COL4A5: variants seen among roughly 807,000 people sequenced by gnomAD.
COL4A5 encodes collagen alpha-5(IV) chain.
Under a neutral mutation model 130.2 loss-of-function variants are expected in COL4A5, and 26 were observed. The observed-to-expected ratio is 0.20, with a 90% CI of 0.15 to 0.28. COL4A5 has a LOEUF of 0.28. COL4A5 is among the 10% of genes least tolerant of loss of function. COL4A5 has a pLI of 1.00. For missense variants in COL4A5, 1,131 were observed against 1,344.3 expected, an observed-to-expected ratio of 0.84 and a Z score of 2.48; for synonymous variants, 496 against 439.6, an observed-to-expected ratio of 1.13 and a Z score of -1.60.
chrX:108,495,819 ATG>A (rs1477488107), intron 1 of COL4A5, among the ~76,000 whole-genome samples: 1 of 112,089 alleles, frequency 8.9e-6, no homozygotes, highest in Admixed American at 9.4e-5. Flanking sequence ...GATGGCAGGG[ATG>A]GAAATTATGC....
chrX:108,637,508 T>C (rs2067377414), intron 36 of COL4A5, among the ~76,000 whole-genome samples: 1 of 111,145 alleles, frequency 9.0e-6, no homozygotes, highest in Admixed American at 9.5e-5. Flanking sequence ...AAACTAAAAG[T>C]TGTTTCTTCA....
At chrX:108,540,487 G>A (rs764044956) in intron 2 of COL4A5, among the ~76,000 whole-genome samples, 13 of 111,219 alleles carry the variant, frequency 1.2e-4, no homozygotes, top group African/African-American at 4.2e-4. Context: ...GTCTTGCTCT[G>A]TCACCCAGGC....
chrX:108,590,156 AT>A (rs1430327735), intron 19 of COL4A5, among the ~76,000 whole-genome samples: 1 of 111,615 alleles, frequency 9.0e-6, no homozygotes, highest in Non-Finnish European at 1.9e-5. Context: ...AATTTCAGTT[AT>A]TCAGAGACCA....
At chrX:108,549,168 G>C (rs28847300) in intron 2 of COL4A5, among the ~76,000 whole-genome samples, 11,658 of 111,440 alleles carry the variant, frequency 0.1, 1,298 homozygotes, top group African/African-American at 0.34. Context: ...CCAAAACTGA[G>C]AGAATTAAAG....
rs757276655 is a variant in COL4A5 at position 108,621,876 on chromosome X, T to A, written c.2751T>A (p.Gly917=). The change falls in exon 32 of 53, where the codon GGT becomes GGA. Residue 917 remains glycine (G), a synonymous_variant. Coordinates refer to ENST00000328300, the MANE Select transcript of COL4A5 (RefSeq NM_033380.3). ...CTTTGGGAATTCCTGGCAGGAGTGGTGTACCTGGTCTTAAAGGTAATAATC... is the reference window on the plus strand; with the variant it reads ...CTTTGGGAATTCCTGGCAGGAGTGGAGTACCTGGTCTTAAAGGTAATAATC... The part of the protein sequence containing the change: ...PGPLGIPGRS[G]VPGLKGDDGL... 5.0e-6 allele frequency: 6 copies of A among 1,202,533 alleles called. No individual in the cohort carries two copies. The highest frequency in any genetic ancestry group is 6.8e-6 in the Non-Finnish European group (6 of 888,706).
intron 46 of COL4A5, 37 bp downstream of exon 46, chrX:108,680,993 T>C: frequency 9.0e-7 from 1 of 1,107,033 alleles, no homozygotes; most frequent in Non-Finnish European, 1.2e-6. Context: ...TACCTGATAC[T>C]TAGATGCTTT....
chrX:108,485,235 C>T (rs768535233), intron 1 of COL4A5, among the ~76,000 whole-genome samples: 1 of 112,200 alleles, frequency 8.9e-6, no homozygotes, highest in African/African-American at 3.2e-5. Flanking sequence ...TCCCAAAATG[C>T]TGTGCAAAAG....
intron 1 of COL4A5, among the ~76,000 whole-genome samples, chrX:108,492,062 T>C (rs1477518413): frequency 9.0e-6 from 1 of 111,465 alleles, no homozygotes; most frequent in African/African-American, 3.3e-5. Context: ...TTCCTGGTAA[T>C]TTCGAAGGCC....
intron 4 of COL4A5, 79 bp from the exon 5 acceptor site, chrX:108,568,550 T>C: frequency 1.4e-6 from 1 of 697,850 alleles, no homozygotes. Flanking sequence ...TAAAATAATT[T>C]TCATAATATC....
intron 34 of COL4A5, among the ~76,000 whole-genome samples, chrX:108,625,267 T>C (rs1855839676): frequency 9.0e-6 from 1 of 111,598 alleles, no homozygotes; most frequent in South Asian, 3.8e-4. Context: ...TACTAAACTA[T>C]ATCATAACAG....
chrX:108,623,413 C>T (rs1252750788), intron 33 of COL4A5, among the ~76,000 whole-genome samples: 2 of 105,138 alleles, frequency 1.9e-5, no homozygotes, highest in East Asian at 5.8e-4. Flanking sequence ...ACAAATACAG[C>T]GTAAAATATT....
intron 22 of COL4A5, among the ~76,000 whole-genome samples, chrX:108,595,930 C>G (rs1389929666): frequency 2.7e-5 from 3 of 111,668 alleles, no homozygotes; most frequent in African/African-American, 9.8e-5. Context: ...ATGCCTAGCC[C>G]CTGAGTGTAG....
rs187209704 is a variant in COL4A5, at chrX:108,669,998, C to T, written c.3791-230C>T. On this transcript the variant is annotated intron_variant, in intron 41 of 52. Coordinates refer to ENST00000328300, the MANE Select transcript of COL4A5 (RefSeq NM_033380.3). The stretch of plus-strand genomic sequence containing the variant: ...CAATGACTTTTGGCCTTTAAAAATA[C>T]GCCACAGTGTGCTGTTTTCATTTTA... The T allele has an allele frequency of 1.2e-3, 463 of 372,323 alleles. 1 individual carries two copies. The highest frequency in any genetic ancestry group is 6.8e-4 in the Non-Finnish European group (148 of 216,920). The allele number at this position is 372,323 out of a possible 1,213,427, so 30.7% of individuals were successfully genotyped here. A position where few individuals can be genotyped will look rare whatever the true frequency, so the allele number is the denominator to read the frequency against.
intron 19 of COL4A5, among the ~76,000 whole-genome samples, chrX:108,588,586 G>A (rs1335172914): frequency 9.1e-6 from 1 of 110,007 alleles, no homozygotes; most frequent in Non-Finnish European, 1.9e-5. Context: ...TGGGACAAGA[G>A]GCAGCATTTG....
At chrX:108,601,270 G>A in intron 25 of COL4A5, 123 bp from the exon 26 acceptor site, 3 of 498,684 alleles carry the variant, frequency 6.0e-6, no homozygotes, top group Non-Finnish European at 7.1e-6. Flanking sequence ...TTTTTCTTGT[G>A]AATTTTTGTT....
intron 49 of COL4A5, among the ~76,000 whole-genome samples, chrX:108,692,068 A>G (rs1414112354): frequency 4.5e-5 from 5 of 112,060 alleles, no homozygotes; most frequent in Non-Finnish European, 7.5e-5. Flanking sequence ...TTAACTTTCA[A>G]AAGTGTAAGA....
At chrX:108,449,858 C>T (rs193272915) in intron 1 of COL4A5, among the ~76,000 whole-genome samples, 340 of 112,017 alleles carry the variant, frequency 3.0e-3, no homozygotes, top group Non-Finnish European at 5.0e-3. Context: ...AATGCCATCA[C>T]CTTGAAGATT....
At chrX:108,452,184 A>C (rs1016831609) in intron 1 of COL4A5, among the ~76,000 whole-genome samples, 1 of 111,505 alleles carries the variant, frequency 9.0e-6, no homozygotes, top group Non-Finnish European at 1.9e-5. Flanking sequence ...ATTGATCTAT[A>C]TCTCTGTTTT....
intron 1 of COL4A5, among the ~76,000 whole-genome samples, chrX:108,485,332 TCCC>T (rs1211966930): frequency 9.0e-6 from 1 of 111,482 alleles, no homozygotes; most frequent in Non-Finnish European, 1.9e-5. Flanking sequence ...CAAGCCGAAG[TCCC>T]CTTTACTTTT....
Sources: gnomAD v4.1 joint callset for allele counts (sites outside exome capture counted in the v4.1 genomes callset) on GRCh38, gnomAD v4.1.1 for gene constraint, MANE v1.5 for transcripts, NCBI Gene and HGNC (gene_info 2026-07-23, HGNC 2026-07-21) for gene names.